Variants in USP10 observed in about 807,000 individuals in gnomAD.
USP10 encodes the protein ubiquitin carboxyl-terminal hydrolase 10.
USP10 carries 22 observed loss-of-function variants against 84.5 expected under a neutral mutation model. The ratio of observed to expected loss-of-function variants is 0.26; its 90% confidence interval spans 0.19 to 0.37. The LOEUF (loss-of-function observed/expected upper bound fraction) is 0.37. USP10 is among the 10% of genes least tolerant of loss of function. The pLI is 1.00. For missense variants in USP10, 1,019 were observed against 998.9 expected, an observed-to-expected ratio of 1.02 and a Z score of -0.27; for synonymous variants, 454 against 387.6, an observed-to-expected ratio of 1.17 and a Z score of -2.01.
At chr16:84,713,246 AG>A (rs2150765579) in intron 1 of USP10, among the ~76,000 whole-genome samples, 2 of 152,228 alleles carry the variant, frequency 1.3e-5, no homozygotes, top group Non-Finnish European at 2.9e-5. Context: ...ACAGAAATGG[AG>A]GGGAACACAT....
Position 84,700,089 on chromosome 16 carries a change from C to A in USP10, c.-2C>A. The A allele has an allele frequency of 5.9e-6, 8 of 1,366,146 alleles. No homozygotes were observed. Among genetic ancestry groups the A allele is most frequent in the Non-Finnish European group, 7.7e-6 (8 of 1,038,950 alleles). 84.6% of individuals were successfully genotyped at this position (1,366,146 alleles called of 1,614,324 possible). A position where few individuals can be genotyped will look rare whatever the true frequency, so the allele number is the denominator to read the frequency against. ...CGCGGAGTCCCAATGAAACGGGCAG[C>A]CATGGCCCTCCACAGCCCGCAGGTA... On this transcript the variant is annotated 5_prime_UTR_variant, in exon 1 of 14. Transcript: ENST00000219473.
At chr16:84,767,640 A>C (rs1405711690) in intron 10 of USP10, among the ~76,000 whole-genome samples, 1 of 152,208 alleles carries the variant, frequency 6.6e-6, no homozygotes, top group Non-Finnish European at 1.5e-5. Context: ...AGTAAATAAC[A>C]GTGTGGAGAG....
chr16:84,734,940 C>T (rs570085613), intron 2 of USP10, among the ~76,000 whole-genome samples: 20 of 152,348 alleles, frequency 1.3e-4, no homozygotes, highest in African/African-American at 4.1e-4. Flanking sequence ...GTGCATCTCC[C>T]CTGGTTCCGA....
At chr16:84,775,881 A>G (rs1306204260) in intron 13 of USP10, among the ~76,000 whole-genome samples, 1 of 108,608 alleles carries the variant, frequency 9.2e-6, no homozygotes, top group African/African-American at 2.9e-5. Context: ...TCTCTTTTAT[A>G]GCGTCATCTT....
At chr16:84,750,290 C>G (rs1911765207) in intron 4 of USP10, among the ~76,000 whole-genome samples, 1 of 151,844 alleles carries the variant, frequency 6.6e-6, no homozygotes, top group Non-Finnish European at 1.5e-5. Flanking sequence ...TGGCTGTAAT[C>G]CTAGCTACTG....
intron 1 of USP10, among the ~76,000 whole-genome samples, chr16:84,717,674 C>T (rs958533608): frequency 6.6e-6 from 1 of 152,104 alleles, no homozygotes; most frequent in Non-Finnish European, 1.5e-5. Context: ...GTGGAGTCAT[C>T]AGGGCCTGTG....
intron 7 of USP10, 112 bp downstream of exon 7, chr16:84,760,058 GC>G: frequency 6.6e-7 from 1 of 1,514,914 alleles, no homozygotes; most frequent in Non-Finnish European, 9.1e-7. Flanking sequence ...TTACACCTAT[GC>G]CATTCTCAAC....
chr16:84,743,863 T>C (rs1484953480), intron 3 of USP10, among the ~76,000 whole-genome samples: 1 of 152,196 alleles, frequency 6.6e-6, no homozygotes, highest in African/African-American at 2.4e-5. Flanking sequence ...ACTTTTTCTT[T>C]TGGTATTTTT....
intron 1 of USP10, among the ~76,000 whole-genome samples, chr16:84,712,350 A>C (rs1181427559): frequency 6.6e-6 from 1 of 152,128 alleles, no homozygotes; most frequent in African/African-American, 2.4e-5. Flanking sequence ...GATGAGCCGG[A>C]AGCAGCCGCT....
chr16:84,755,701 G>A (rs948823308), intron 4 of USP10, among the ~76,000 whole-genome samples: 1 of 151,868 alleles, frequency 6.6e-6, no homozygotes, highest in Non-Finnish European at 1.5e-5. Context: ...GGGAGGCTGA[G>A]GCACAAGAAT....
chr16:84,710,312 C>T (rs1280935778), intron 1 of USP10, among the ~76,000 whole-genome samples: 2 of 151,068 alleles, frequency 1.3e-5, no homozygotes, highest in East Asian at 1.9e-4. Flanking sequence ...GTTGATTGTG[C>T]AGGGGTCTTA....
At chr16:84,732,547 A>T in intron 1 of USP10, 1 of 366,204 alleles carries the variant, frequency 2.7e-6, no homozygotes, top group African/African-American at 2.3e-5. Context: ...CCCTGGTTCA[A>T]GCAATTCTCC....
chr16:84,769,414 A>G (rs369059618), intron 11 of USP10, among the ~76,000 whole-genome samples: 1 of 152,206 alleles, frequency 6.6e-6, no homozygotes, highest in Non-Finnish European at 1.5e-5. Flanking sequence ...CTTGCATCTC[A>G]TGGGTGATTT....
chr16:84,710,222 C>G (rs1447604981), intron 1 of USP10, among the ~76,000 whole-genome samples: 1 of 149,816 alleles, frequency 6.7e-6, no homozygotes, highest in East Asian at 2.0e-4. Context: ...GTGAGCCAGA[C>G]TGTGCCACTG....
chr16:84,779,827 C>G lies in USP10; in HGVS notation c.*745C>G, dbSNP rs1915379085. On this transcript the variant is annotated 3_prime_UTR_variant, in exon 14 of 14. Coordinates refer to ENST00000219473, the MANE Select transcript of USP10 (RefSeq NM_005153.3). ...GCTCTGTTTAATTCTGCTGTCTGCT[C>G]TTCTCTAATGCTGCGTCCCTAATTG... 1 of 152,500 alleles carries G rather than the reference C, an allele frequency of 6.6e-6. No homozygotes were observed. Among genetic ancestry groups the G allele is most frequent in the African/African-American group, 2.4e-5 (1 of 41,448 alleles). 9.4% of individuals were successfully genotyped at this position (152,500 alleles called of 1,614,324 possible).
At chr16:84,760,083 G>C in intron 7 of USP10, 89 bp from the exon 8 acceptor site, 6 of 1,497,266 alleles carry the variant, frequency 4.0e-6, no homozygotes, top group Non-Finnish European at 5.5e-6. Context: ...CAGCCAGGTG[G>C]GAGGTGGGGG....
intron 11 of USP10, among the ~76,000 whole-genome samples, chr16:84,772,242 G>T (rs1914531819): frequency 6.6e-6 from 1 of 152,078 alleles, no homozygotes; most frequent in African/African-American, 2.4e-5. Flanking sequence ...GTAGAGACGG[G>T]ATTTCACCAT....
At chr16:84,755,467 G>C (rs1240671814) in intron 4 of USP10, among the ~76,000 whole-genome samples, 1 of 151,714 alleles carries the variant, frequency 6.6e-6, no homozygotes, top group African/African-American at 2.4e-5. Flanking sequence ...ACTCCTACAC[G>C]CTGCCCCTGC....
chr16:84,774,065 C>T lies in USP10; in HGVS notation c.2144-1095C>T, dbSNP rs907044275. On this transcript the variant is annotated intron_variant, in intron 12 of 13. Transcript: ENST00000219473. The stretch of plus-strand genomic sequence containing the variant: ...AGGAGTTCGAGACCAGCCTGACCAA[C>T]GTGGTGAAACCCCAACTCTTCTAAA... Among the ~76,000 whole-genome samples the T allele has an allele frequency of 5.9e-5, 9 of 152,064 alleles. No individual in the cohort carries two copies. The South Asian group carries it at 6.2e-4, about 11-fold the overall frequency.
Sources: gnomAD v4.1 joint callset for allele counts (sites outside exome capture counted in the v4.1 genomes callset) on GRCh38, gnomAD v4.1.1 for gene constraint, MANE v1.5 for transcripts, NCBI Gene and HGNC (gene_info 2026-07-23, HGNC 2026-07-21) for gene names.